The following GSG1 variants were observed in gnomAD, a reference collection of about 807,000 sequenced individuals.
GSG1 encodes the protein germ cell associated 1.
GSG1 carries 28 observed loss-of-function variants against 30.8 expected under a neutral mutation model. The observed-to-expected ratio is 0.91, with a 90% CI of 0.67 to 1.25. GSG1 has a LOEUF of 1.25. Ranked by LOEUF, GSG1 falls within the 50% of genes most tolerant of loss-of-function variation. The pLI is 0.00. For synonymous variants in GSG1, 162 were observed against 178.0 expected, an observed-to-expected ratio of 0.91 and a Z score of 0.71; for missense variants, 435 against 444.7, an observed-to-expected ratio of 0.98 and a Z score of 0.20.
rs1393922453 is a variant in GSG1 at position 13,090,526 on chromosome 12, C to T, written c.341G>A (p.Cys114Tyr). The change falls in exon 2 of 7, where the codon TGT (cysteine) becomes TAT (tyrosine). Residue 114 changes from cysteine (C) to tyrosine (Y), a missense_variant. Cys to Tyr is a radical substitution (Grantham distance 194). Coordinates refer to ENST00000651961, the MANE Select transcript of GSG1 (RefSeq NM_001080555.4). ...ACCTGGTTCTTCCACAGTTTCCTCA[C>T]AGGATAGCCACATGCCACTCCGGAA... ...RSFRSGMWLS[C>Y]EETVEEPALL... The T allele has an allele frequency of 1.2e-6, 2 of 1,612,054 alleles. No individual in the cohort carries two copies. The highest frequency in any genetic ancestry group is 1.7e-6 in the Non-Finnish European group (2 of 1,178,438).
chr12:13,091,028 G>A (rs11055233), intron 1 of GSG1, among the ~76,000 whole-genome samples: 5,759 of 152,222 alleles, frequency 0.038, 303 homozygotes, highest in East Asian at 0.27. Flanking sequence ...CCCTGAGGGC[G>A]TAAGAAAACC....
At position 13,093,507 on chromosome 12, in the gene GSG1, T is replaced by C. The variant is rs1463878029; in HGVS notation, c.49-2689A>G. Among the ~76,000 whole-genome samples, 1 of 152,156 alleles carries C rather than the reference T, an allele frequency of 6.6e-6. No homozygotes were observed. The highest frequency in any genetic ancestry group is 1.5e-5 in the Non-Finnish European group (1 of 68,024). ...ACTGGGATGTGGGGCTATTGAAACC[T>C]TTGGAAAGGAGATGGGGCTTATGGT... On this transcript the variant is annotated intron_variant, in intron 1 of 6. Transcript: ENST00000651961. This position sits in a 1 kb window ranked among gnomAD's most constrained non-coding sequence, Gnocchi z 4.6.
In GSG1 at chr12:13,088,035, G is replaced by A. The variant is rs780274796; in HGVS notation, c.506C>T (p.Thr169Met). 60 of 1,614,100 alleles carry A rather than the reference G, an allele frequency of 3.7e-5. No individual in the cohort carries two copies. The highest frequency in any genetic ancestry group is 8.9e-5 in the East Asian group (4 of 44,896). The change falls in exon 5 of 7, where the codon ACG becomes ATG. Residue 169 changes from threonine (T) to methionine (M), a missense_variant. Transcript: ENST00000651961. ...TTGAAGTCCGATGTAGGTGATCTGC[G>A]TTCCCAGGGATAACCATAGGATTTC... Reference protein sequence around the residue: ...KREILWLSLGTQITYIGLQFI... With the variant: ...KREILWLSLGMQITYIGLQFI...
chr12:13,099,750 G>GGTTTT (rs1863020506), intron 1 of GSG1, among the ~76,000 whole-genome samples: 1 of 114,834 alleles, frequency 8.7e-6, no homozygotes, highest in African/African-American at 3.1e-5. Flanking sequence ...GTTTTTTTTT[G>GGTTTT]TTTTTTTTTT....
At position 13,084,723 on chromosome 12, in the gene GSG1, GA is replaced by G; in HGVS notation, c.*177del. On this transcript the variant is annotated 3_prime_UTR_variant, in exon 7 of 7. Coordinates refer to ENST00000651961, the MANE Select transcript of GSG1 (RefSeq NM_001080555.4). The stretch of plus-strand genomic sequence containing the variant: ...GGTGAAACAAGATGGAGCTGTAGAG[GA>G]AAAGAGAGCAGTGGCACCCAGGAAT... 2 of 521,614 alleles carry G rather than the reference GA, an allele frequency of 3.8e-6. No individual in the cohort carries two copies. Among genetic ancestry groups the G allele is most frequent in the Non-Finnish European group, 6.8e-6 (2 of 292,542 alleles). 32.3% of individuals were successfully genotyped at this position (521,614 alleles called of 1,614,324 possible).
chr12:13,094,614 A>T (rs1565543516), intron 1 of GSG1, among the ~76,000 whole-genome samples: 1 of 152,222 alleles, frequency 6.6e-6, no homozygotes, highest in Non-Finnish European at 1.5e-5. Context: ...ACTGTGAGTC[A>T]TCCTTTCTAA....
chr12:13,095,605 C>T, intron 1 of GSG1: 1 of 1,614,186 alleles, frequency 6.2e-7, no homozygotes. Context: ...TTACCTTGGC[C>T]ATGGTCAGCG....
At position 13,086,181 on chromosome 12, in the gene GSG1, T is replaced by C. The variant is rs1865500825; in HGVS notation, c.747-938A>G. On this transcript the variant is annotated intron_variant, in intron 6 of 6. Transcript: ENST00000651961. The stretch of plus-strand genomic sequence containing the variant: ...GTTCAGTCTGGGATGCTTCTGGGAG[T>C]TGACTAATGGGCGTTGCCTAGCCTG... Among the ~76,000 whole-genome samples, 5 of 152,088 alleles carry C rather than the reference T, an allele frequency of 3.3e-5. No homozygotes were observed. The South Asian group carries it at 1.0e-3, about 32-fold the overall frequency.
chr12:13,085,006 C>T lies in GSG1; in HGVS notation c.984G>A (p.Glu328=), dbSNP rs1228617679. ...GCAGCTCGGAGTAGAAGTCGACTCCCTCAGAGACAGAGTGGATGGGCTGAT... is the reference window on the plus strand; with the variant it reads ...GCAGCTCGGAGTAGAAGTCGACTCCTTCAGAGACAGAGTGGATGGGCTGAT... ...YHNQPIHSVS[E]GVDFYSELRN... The change falls in exon 7 of 7, where the codon GAG becomes GAA. Residue 328 remains glutamate, a synonymous_variant. Coordinates refer to ENST00000651961, the MANE Select transcript of GSG1 (RefSeq NM_001080555.4). The T allele has an allele frequency of 1.9e-6, 3 of 1,559,522 alleles. No homozygotes were observed. The highest frequency in any genetic ancestry group is 2.6e-6 in the Non-Finnish European group (3 of 1,151,024).
At chr12:13,097,142 C>T (rs899891197) in intron 1 of GSG1, among the ~76,000 whole-genome samples, 1 of 152,042 alleles carries the variant, frequency 6.6e-6, no homozygotes, top group Admixed American at 6.6e-5. Context: ...AGAGATTCTG[C>T]CGCTGTTTGT....
chr12:13,091,099 C>T (rs949089482), intron 1 of GSG1, among the ~76,000 whole-genome samples: 5 of 152,088 alleles, frequency 3.3e-5, no homozygotes, highest in African/African-American at 1.2e-4. Context: ...CCTCCTGTCT[C>T]AGTCCCACTC....
chr12:13,090,931 C>T (rs952949834), intron 1 of GSG1, 113 bp from the exon 2 acceptor site: 2 of 881,344 alleles, frequency 2.3e-6, no homozygotes, highest in South Asian at 1.7e-5. Context: ...CCATACTCCT[C>T]CAAGGCAGAT....
rs181335094 is a variant in GSG1 at position 13,089,759 on chromosome 12, C to T, written c.365-483G>A. Among the ~76,000 whole-genome samples the T allele has an allele frequency of 3.3e-3, 508 of 152,272 alleles. 1 individual carries two copies. The highest frequency in any genetic ancestry group is 5.7e-3 in the Non-Finnish European group (389 of 68,020). On this transcript the variant is annotated intron_variant, in intron 2 of 6. Transcript: ENST00000651961. The stretch of plus-strand genomic sequence containing the variant: ...ATGAGCAAATCAAGACCTATAGAAA[C>T]GAAGTTATAGGCTGGGCATGGTGGC...
intron 1 of GSG1, among the ~76,000 whole-genome samples, chr12:13,099,219 A>G (rs1272271590): frequency 2.6e-5 from 4 of 151,938 alleles, no homozygotes; most frequent in Admixed American, 6.6e-5. Context: ...CATCCCACTC[A>G]CTTCCTTTCA....
At position 13,090,315 on chromosome 12, in the gene GSG1, GAGA is replaced by G. The variant is rs972704536; in HGVS notation, c.364+185_364+187del. ...AACCTTATTAAAAGGGGCTCCTATA[GAGA>G]AGGACACTGGACGGAGGTGGAAGGT... On this transcript the variant is annotated intron_variant, in intron 2 of 6. Transcript: ENST00000651961. Among the ~76,000 whole-genome samples, 7 of 152,252 alleles carry G rather than the reference GAGA, an allele frequency of 4.6e-5. No individual in the cohort carries two copies. The East Asian group carries it at 1.3e-3, about 29-fold the overall frequency.
chr12:13,094,570 T>C (rs1036933400), intron 1 of GSG1, among the ~76,000 whole-genome samples: 5 of 152,236 alleles, frequency 3.3e-5, no homozygotes, highest in African/African-American at 2.4e-5. Context: ...GTTTTAGTTA[T>C]GAAAATCCTA....
chr12:13,097,435 C>T (rs1255752275), intron 1 of GSG1, among the ~76,000 whole-genome samples: 1 of 152,020 alleles, frequency 6.6e-6, no homozygotes, highest in African/African-American at 2.4e-5. Flanking sequence ...TCTCGAACTC[C>T]TGGGCTCAAG....
At chr12:13,100,754 A>C (rs1270643521) in intron 1 of GSG1, among the ~76,000 whole-genome samples, 1 of 152,166 alleles carries the variant, frequency 6.6e-6, no homozygotes, top group Non-Finnish European at 1.5e-5. Flanking sequence ...AATGCCACCA[A>C]AATGCCCGTG....
At chr12:13,086,671 C>A (rs1478835468) in intron 6 of GSG1, among the ~76,000 whole-genome samples, 1 of 151,880 alleles carries the variant, frequency 6.6e-6, no homozygotes, top group Admixed American at 6.6e-5. Flanking sequence ...ATTTCCAACA[C>A]GGTTCAGTAG....
Sources: allele counts gnomAD v4.1 joint callset (sites outside exome capture counted in the v4.1 genomes callset), GRCh38; gene constraint gnomAD v4.1.1; non-coding constraint Gnocchi (gnomAD v3.1); transcripts MANE v1.5; gene names NCBI Gene and HGNC (gene_info 2026-07-23, HGNC 2026-07-21).